Variants in BMP7 observed in about 807,000 individuals in gnomAD.
The protein encoded by BMP7 is bone morphogenetic protein 7.
A neutral mutation model predicts 41.2 loss-of-function variants in BMP7; 12 were observed. The observed-to-expected ratio is 0.29, with a 90% CI of 0.19 to 0.47. The LOEUF is 0.47. Among genes scored for constraint, BMP7 ranks in the 20% least tolerant of loss-of-function variants. The probability of loss-of-function intolerance (pLI) is 0.99; values close to 1 mark genes in which losing one functional copy is unlikely to be tolerated. For missense variants in BMP7, 467 were observed against 606.0 expected (o/e 0.77, Z 2.41); for synonymous variants, 248 against 250.0 (o/e 0.99, Z 0.07).
chr20:57,235,682 C>T (rs1272624585), intron 1 of BMP7, among the ~76,000 whole-genome samples: 1 of 151,938 alleles, frequency 6.6e-6, no homozygotes, highest in African/African-American at 2.4e-5. Flanking sequence ...ATCGAGGGCT[C>T]GACAGACAAG....
chr20:57,216,137 G>T (rs942202677), intron 2 of BMP7, among the ~76,000 whole-genome samples: 5 of 152,138 alleles, frequency 3.3e-5, no homozygotes, highest in Non-Finnish European at 5.9e-5. Context: ...CTGAAGCCGG[G>T]GGGGTCCAGG....
rs546879478 is a variant in BMP7 at position 57,233,618 on chromosome 20, G to A, written c.419-5197C>T. On this transcript the variant is annotated intron_variant, in intron 1 of 6. Coordinates refer to ENST00000395863, the MANE Select transcript of BMP7 (RefSeq NM_001719.3). ...CCAGATGGGAGTCACACCTGCCCCC[G>A]GCATCACTCAGGAGTACCTTGCCTC... Among the ~76,000 whole-genome samples the A allele has an allele frequency of 1.9e-4, 29 of 152,248 alleles. 1 individual carries two copies. The East Asian group carries it at 5.4e-3, about 28-fold the overall frequency.
At chr20:57,183,461 T>C (rs1238075447) in intron 4 of BMP7, among the ~76,000 whole-genome samples, 2 of 152,228 alleles carry the variant, frequency 1.3e-5, no homozygotes, top group African/African-American at 2.4e-5. Context: ...AGTGCCGCCA[T>C]TGTTCTGTTT....
chr20:57,192,016 T>C (rs1984372159), intron 3 of BMP7, among the ~76,000 whole-genome samples: 1 of 125,466 alleles, frequency 8.0e-6, no homozygotes, highest in African/African-American at 3.2e-5. Flanking sequence ...ATATATATTA[T>C]ATATAATATA....
intron 4 of BMP7, among the ~76,000 whole-genome samples, chr20:57,179,266 G>C (rs1016404065): frequency 6.6e-6 from 1 of 152,192 alleles, no homozygotes; most frequent in African/African-American, 2.4e-5. Flanking sequence ...GTCCAAGCCT[G>C]CCCCACCCGC....
chr20:57,222,702 C>A (rs1342716026), intron 2 of BMP7, among the ~76,000 whole-genome samples: 1 of 152,152 alleles, frequency 6.6e-6, no homozygotes, highest in Non-Finnish European at 1.5e-5. Context: ...ACTCAGGAAG[C>A]TGACCTGGCA....
At chr20:57,204,851 C>T (rs1984696200) in intron 2 of BMP7, among the ~76,000 whole-genome samples, 1 of 152,190 alleles carries the variant, frequency 6.6e-6, no homozygotes, top group East Asian at 1.9e-4. Flanking sequence ...GCTGTGGTTT[C>T]AATGTTTTGT....
intron 4 of BMP7, among the ~76,000 whole-genome samples, chr20:57,176,874 T>C (rs567946902): frequency 2.6e-5 from 4 of 151,794 alleles, no homozygotes; most frequent in Non-Finnish European, 5.9e-5. Context: ...GGAACACCAC[T>C]CAATTTTTGG....
intron 3 of BMP7, among the ~76,000 whole-genome samples, chr20:57,186,807 C>T (rs917684607): frequency 3.3e-5 from 5 of 152,276 alleles, no homozygotes; most frequent in African/African-American, 1.2e-4. Context: ...GGTTTTTTAA[C>T]AACTAGTGTT....
intron 6 of BMP7, 72 bp downstream of exon 6, chr20:57,173,128 G>A (rs753506760): frequency 2.0e-6 from 3 of 1,475,136 alleles, no homozygotes; most frequent in African/African-American, 1.4e-5. Context: ...CCAGCTTGGA[G>A]GCAGCAGGAT....
At chr20:57,216,483 C>T (rs978722078) in intron 2 of BMP7, among the ~76,000 whole-genome samples, 3 of 151,306 alleles carry the variant, frequency 2.0e-5, no homozygotes, top group South Asian at 4.2e-4. Flanking sequence ...CACCTGAGGA[C>T]GAGGGCGCTG....
intron 2 of BMP7, among the ~76,000 whole-genome samples, chr20:57,202,970 TTGATAGTGAC>T (rs1451530208): frequency 6.6e-6 from 1 of 152,176 alleles, no homozygotes; most frequent in Non-Finnish European, 1.5e-5. Flanking sequence ...AGAGCAGAAG[TTGATAGTGAC>T]TGAACTATTC....
intron 2 of BMP7, among the ~76,000 whole-genome samples, chr20:57,217,299 G>A (rs1985055342): frequency 6.6e-6 from 1 of 152,194 alleles, no homozygotes; most frequent in Non-Finnish European, 1.5e-5. Context: ...GACACCTCAA[G>A]TGCCATCTTT....
intron 6 of BMP7, among the ~76,000 whole-genome samples, chr20:57,172,796 T>A (rs943658512): frequency 1.3e-5 from 2 of 152,164 alleles, no homozygotes; most frequent in Non-Finnish European, 2.9e-5. Context: ...CATCCCATTA[T>A]CCTGCTGGCC....
chr20:57,241,206 A>C (rs547994563), intron 1 of BMP7, among the ~76,000 whole-genome samples: 1 of 152,232 alleles, frequency 6.6e-6, no homozygotes, highest in South Asian at 2.1e-4. Flanking sequence ...GCTGCCAGTG[A>C]CCTCTTAGCT....
chr20:57,202,731 T>C (rs1984652666), intron 2 of BMP7, 108 bp from the exon 3 acceptor site: 4 of 1,251,592 alleles, frequency 3.2e-6, no homozygotes, highest in Non-Finnish European at 2.2e-6. Context: ...AGGGAAAGAG[T>C]CCACTGGTCC....
intron 1 of BMP7, among the ~76,000 whole-genome samples, chr20:57,248,867 C>T (rs375916213): frequency 4.7e-4 from 71 of 151,692 alleles, no homozygotes; most frequent in African/African-American, 1.7e-3. Flanking sequence ...GGTGTGATCT[C>T]GGCTCACTGC....
chr20:57,171,129 T>C lies in BMP7; in HGVS notation c.1147-21A>G, dbSNP rs540143910. On this transcript the variant is annotated intron_variant, in intron 6 of 6. Coordinates refer to ENST00000395863, the MANE Select transcript of BMP7 (RefSeq NM_001719.3). This position sits in a 1 kb window ranked among gnomAD's most constrained non-coding sequence, Gnocchi z 4.5. ...TGGACCTGAAACACACACCAAAACATGGGCAGTGGTGAGAAGCGGTGAGTC... is the reference window on the plus strand; with the variant it reads ...TGGACCTGAAACACACACCAAAACACGGGCAGTGGTGAGAAGCGGTGAGTC... 13 of 1,614,138 alleles carry C rather than the reference T, an allele frequency of 8.1e-6. No homozygotes were observed. The highest frequency in any genetic ancestry group is 8.0e-5 in the African/African-American group (6 of 75,048).
chr20:57,249,876 G>A (rs1482466955), intron 1 of BMP7, among the ~76,000 whole-genome samples: 1 of 152,094 alleles, frequency 6.6e-6, no homozygotes, highest in East Asian at 1.9e-4. Context: ...GCCCCTTCCT[G>A]CCATGATCTC....
Sources: gnomAD v4.1 joint callset for allele counts (sites outside exome capture counted in the v4.1 genomes callset) on GRCh38, gnomAD v4.1.1 for gene constraint, Gnocchi (gnomAD v3.1) non-coding constraint, MANE v1.5 for transcripts, NCBI Gene and HGNC (gene_info 2026-07-23, HGNC 2026-07-21) for gene names.